Variants in SLC7A1 observed in about 807,000 individuals in gnomAD.
SLC7A1 encodes the protein solute carrier family 7 member 1, also known as high affinity cationic amino acid transporter 1.
In SLC7A1, 10 loss-of-function variants were observed where a neutral mutation model predicts 53.9. The observed-to-expected ratio is 0.19, with a 90% CI of 0.11 to 0.31. SLC7A1 has a LOEUF of 0.31. SLC7A1 is among the 10% of genes least tolerant of loss of function. The pLI is 1.00. For synonymous variants in SLC7A1, 342 were observed against 338.7 expected, an observed-to-expected ratio of 1.01 and a Z score of -0.11; for missense variants, 525 against 827.2, an observed-to-expected ratio of 0.63 and a Z score of 4.48.
chr13:29,542,202 C>T (rs1482602674), intron 2 of SLC7A1, among the ~76,000 whole-genome samples: 1 of 152,176 alleles, frequency 6.6e-6, no homozygotes, highest in Non-Finnish European at 1.5e-5. Flanking sequence ...CACCTGTAAT[C>T]CCAGCACTTT....
chr13:29,568,451 C>T (rs866803854), intron 1 of SLC7A1, among the ~76,000 whole-genome samples: 3 of 152,194 alleles, frequency 2.0e-5, no homozygotes, highest in Admixed American at 6.5e-5. Context: ...GAGGGCCCCG[C>T]GTAGCTACAA....
intron 5 of SLC7A1, among the ~76,000 whole-genome samples, chr13:29,526,255 A>AT (rs1868884091): frequency 6.6e-6 from 1 of 152,232 alleles, no homozygotes; most frequent in Non-Finnish European, 1.5e-5. Context: ...ACCTGAGGCC[A>AT]TAAGTTAGGG....
chr13:29,571,828 C>T (rs1871204934), intron 1 of SLC7A1, among the ~76,000 whole-genome samples: 10 of 152,176 alleles, frequency 6.6e-5, no homozygotes, highest in Admixed American at 6.5e-4. Flanking sequence ...TTTTCCATAT[C>T]CCGCTTTACG....
At position 29,561,019 on chromosome 13, in the gene SLC7A1, G is replaced by A. The variant is rs543445561; in HGVS notation, c.-114-7159C>T. 1.5e-3 allele frequency among the ~76,000 whole-genome samples: 224 copies of A among 152,126 alleles called. 1 individual carries two copies. The highest frequency in any genetic ancestry group is 1.5e-3 in the Non-Finnish European group (99 of 68,028). On this transcript the variant is annotated intron_variant, in intron 1 of 12. Coordinates refer to ENST00000380752, the MANE Select transcript of SLC7A1 (RefSeq NM_003045.5). ...TTTTGGCAACTTACAAAGCGGTTTC[G>A]CCTGTTCTTATCCTATTCTTCACTC...
intron 1 of SLC7A1, among the ~76,000 whole-genome samples, chr13:29,556,865 C>T (rs778552707): frequency 6.6e-6 from 1 of 152,214 alleles, no homozygotes; most frequent in African/African-American, 2.4e-5. Flanking sequence ...ACAGGAAGAA[C>T]GCTGCTCTCC....
At chr13:29,571,750 G>A (rs1225259909) in intron 1 of SLC7A1, among the ~76,000 whole-genome samples, 5 of 152,214 alleles carry the variant, frequency 3.3e-5, no homozygotes, top group Non-Finnish European at 7.3e-5. Flanking sequence ...CCTTCCAGGA[G>A]GTCTGGACAC....
chr13:29,572,892 G>A (rs1013596011), intron 1 of SLC7A1, among the ~76,000 whole-genome samples: 5 of 152,168 alleles, frequency 3.3e-5, no homozygotes, highest in Non-Finnish European at 5.9e-5. Context: ...ATCTAAAGCT[G>A]CACAATTTGA....
intron 1 of SLC7A1, among the ~76,000 whole-genome samples, chr13:29,582,008 G>A (rs540363111): frequency 1.5e-4 from 23 of 152,356 alleles, no homozygotes; most frequent in African/African-American, 5.0e-4. Context: ...TGCAACTCAT[G>A]TTTATTGCCC....
At chr13:29,587,783 G>A (rs557350283) in intron 1 of SLC7A1, among the ~76,000 whole-genome samples, 33 of 152,342 alleles carry the variant, frequency 2.2e-4, no homozygotes, top group African/African-American at 7.7e-4. Flanking sequence ...CTGCCCAAGG[G>A]GTGGGCAGGA....
Position 29,536,058 on chromosome 13 carries a change from C to G in SLC7A1, c.131G>C (p.Ser44Thr). The G allele has an allele frequency of 6.2e-7, 1 of 1,613,990 alleles. No homozygotes were observed. The highest frequency in any genetic ancestry group is 8.5e-7 in the Non-Finnish European group (1 of 1,180,030). Residue 44 changes from serine to threonine, a missense_variant, in exon 3 of 13, where the codon AGC becomes ACC. Ser to Thr is a moderately conservative substitution (Grantham distance 58). Transcript: ENST00000380752. ...TFDLVALGVG[S>T]TLGAGVYVLA... ...GACGTAGACACCAGCACCCAGTGTGCTGCCCACCCCGAGGGCCACCAGATC... is the reference window on the plus strand; with the variant it reads ...GACGTAGACACCAGCACCCAGTGTGGTGCCCACCCCGAGGGCCACCAGATC...
chr13:29,552,073 T>G (rs1870216627), intron 2 of SLC7A1, among the ~76,000 whole-genome samples: 1 of 152,214 alleles, frequency 6.6e-6, no homozygotes, highest in African/African-American at 2.4e-5. Context: ...CCCCCAGAAG[T>G]CCTTCTGATT....
intron 1 of SLC7A1, among the ~76,000 whole-genome samples, chr13:29,589,848 G>A (rs567571682): frequency 6.6e-6 from 1 of 152,250 alleles, no homozygotes; most frequent in East Asian, 1.9e-4. Flanking sequence ...GTGTGCCCGT[G>A]GGCCACCTGC....
chr13:29,539,746 T>C (rs775511033), intron 2 of SLC7A1, among the ~76,000 whole-genome samples: 5 of 152,080 alleles, frequency 3.3e-5, no homozygotes, highest in Non-Finnish European at 5.9e-5. Flanking sequence ...CTACAGGAGA[T>C]TACTTTTACC....
chr13:29,542,150 G>A (rs916689500), intron 2 of SLC7A1, among the ~76,000 whole-genome samples: 8 of 152,258 alleles, frequency 5.3e-5, no homozygotes, highest in East Asian at 1.9e-4. Flanking sequence ...TGTGCAAAGC[G>A]TCACTAAAGA....
Position 29,517,926 on chromosome 13 carries a change from C to T in SLC7A1, c.1293-136G>A, listed in dbSNP as rs961500669. The stretch of plus-strand genomic sequence containing the variant: ...AAAATGGGAAGGATATAGTCAAATG[C>T]TGCATTGTAGATAGACGAGGAGAGA... On this transcript the variant is annotated intron_variant, in intron 9 of 12. Transcript: ENST00000380752. 7 of 686,686 alleles carry T rather than the reference C, an allele frequency of 1.0e-5. No individual in the cohort carries two copies. The African/African-American group carries it at 1.2e-4, about 12-fold the overall frequency. 42.5% of individuals were successfully genotyped at this position (686,686 alleles called of 1,614,324 possible).
chr13:29,579,238 T>A (rs1871539480), intron 1 of SLC7A1, among the ~76,000 whole-genome samples: 2 of 152,140 alleles, frequency 1.3e-5, no homozygotes, highest in Admixed American at 1.3e-4. Context: ...AACTGAAACT[T>A]CTCATGGCCT....
chr13:29,582,986 A>G (rs1271466470), intron 1 of SLC7A1, among the ~76,000 whole-genome samples: 1 of 152,216 alleles, frequency 6.6e-6, no homozygotes, highest in Non-Finnish European at 1.5e-5. Context: ...AATGTACACA[A>G]CTACAATGGA....
chr13:29,549,584 C>G (rs550414164), intron 2 of SLC7A1, among the ~76,000 whole-genome samples: 2 of 152,328 alleles, frequency 1.3e-5, no homozygotes, highest in Non-Finnish European at 2.9e-5. Flanking sequence ...CAAAATTGTT[C>G]CTTTTTTGGT....
intron 1 of SLC7A1, among the ~76,000 whole-genome samples, chr13:29,576,734 G>A (rs2139176074): frequency 6.6e-6 from 1 of 152,252 alleles, no homozygotes; most frequent in African/African-American, 2.4e-5. Flanking sequence ...AAAAAAAAAG[G>A]AAACTGGTAT....
Sources: gnomAD v4.1 joint callset for allele counts (sites outside exome capture counted in the v4.1 genomes callset) on GRCh38, gnomAD v4.1.1 for gene constraint, MANE v1.5 for transcripts, NCBI Gene and HGNC (gene_info 2026-07-23, HGNC 2026-07-21) for gene names.